Variants in PKP4 observed in about 807,000 individuals in gnomAD.
PKP4 encodes the protein plakophilin 4, also known as plakophilin-4.
Under a neutral mutation model 145.1 loss-of-function variants are expected in PKP4, and 90 were observed. The ratio of observed to expected loss-of-function variants is 0.62; its 90% CI spans 0.52 to 0.74. The LOEUF is 0.74. Among genes scored for constraint, PKP4 ranks in the 30% least tolerant of loss-of-function variants. The pLI, the probability that PKP4 is intolerant of heterozygous loss-of-function variation, is 0.00. For missense variants in PKP4, 1,340 were observed against 1,482.7 expected (o/e 0.90, Z 1.58); for synonymous variants, 563 against 577.2 (o/e 0.98, Z 0.35).
chr2:158,553,550 A>T (rs1436748827), intron 2 of PKP4, among the ~76,000 whole-genome samples: 1 of 152,250 alleles, frequency 6.6e-6, no homozygotes, highest in African/African-American at 2.4e-5. Context: ...GCTTGTCAAA[A>T]CAGTGCTCAG....
intron 2 of PKP4, among the ~76,000 whole-genome samples, chr2:158,558,942 T>C (rs2046307179): frequency 6.6e-6 from 1 of 152,098 alleles, no homozygotes; most frequent in African/African-American, 2.4e-5. Context: ...CCTGAGTGAA[T>C]GGGAGGACTT....
intron 3 of PKP4, among the ~76,000 whole-genome samples, chr2:158,578,506 T>TCAGG (rs138913586): frequency 1.3e-5 from 2 of 151,410 alleles, no homozygotes; most frequent in African/African-American, 4.9e-5. Context: ...AATAATTCGT[T>TCAGG]AAGTTAAAAC....
At chr2:158,550,101 T>G (rs2045462758) in intron 2 of PKP4, among the ~76,000 whole-genome samples, 1 of 152,236 alleles carries the variant, frequency 6.6e-6, no homozygotes, top group Non-Finnish European at 1.5e-5. Context: ...AGGTTACATT[T>G]ATAGATCTCT....
chr2:158,537,966 G>A (rs752000129), intron 2 of PKP4, among the ~76,000 whole-genome samples: 11 of 152,076 alleles, frequency 7.2e-5, no homozygotes, highest in Admixed American at 6.6e-5. Flanking sequence ...GCAGTAAGCC[G>A]TGATCATGCC....
At chr2:158,543,292 G>A (rs1256978421) in intron 2 of PKP4, among the ~76,000 whole-genome samples, 1 of 152,106 alleles carries the variant, frequency 6.6e-6, no homozygotes, top group African/African-American at 2.4e-5. Flanking sequence ...TATATATTTG[G>A]TTATCTTTGT....
At chr2:158,586,954 T>C (rs11675276) in intron 3 of PKP4, among the ~76,000 whole-genome samples, 30,343 of 152,226 alleles carry the variant, frequency 0.2, 3,902 homozygotes, top group Middle Eastern at 0.36. Flanking sequence ...TATTTTAAGC[T>C]AAAAATGTCA....
chr2:158,618,154 G>C (rs1030777199), intron 4 of PKP4, among the ~76,000 whole-genome samples: 1 of 152,160 alleles, frequency 6.6e-6, no homozygotes, highest in African/African-American at 2.4e-5. Flanking sequence ...CTGCATTCCA[G>C]CCTGTAGAGA....
At position 158,661,347 on chromosome 2, in the gene PKP4, C is replaced by T. The variant is rs377100780; in HGVS notation, c.2108C>T (p.Ala703Val). 3.0e-5 allele frequency: 48 copies of T among 1,613,302 alleles called. No homozygotes were observed. Among genetic ancestry groups the T allele is most frequent in the East Asian group, 8.9e-5 (4 of 44,850 alleles). Reference protein sequence around the residue: ...TTGCLRNLSSAGEEARKQMRS... With the variant: ...TTGCLRNLSSVGEEARKQMRS... ...CACCCCTTTAGGAACCTCAGCTCCGCGGGGGAAGAAGCTCGGAAGCAAATG... is the reference window on the plus strand; with the variant it reads ...CACCCCTTTAGGAACCTCAGCTCCGTGGGGGAAGAAGCTCGGAAGCAAATG... Residue 703 changes from alanine (A) to valine (V), a missense_variant, in exon 13 of 22, where the codon GCG (alanine) becomes GTG (valine). Coordinates refer to ENST00000389759, the MANE Select transcript of PKP4 (RefSeq NM_003628.6).
chr2:158,632,116 A>G (rs1161847125), intron 8 of PKP4, among the ~76,000 whole-genome samples, 175 bp downstream of exon 8: 1 of 152,246 alleles, frequency 6.6e-6, no homozygotes, highest in South Asian at 2.1e-4. Context: ...GTACCTATTT[A>G]TAGGTGATAT....
chr2:158,637,533 G>A (rs1296328948), intron 9 of PKP4, among the ~76,000 whole-genome samples: 4 of 152,064 alleles, frequency 2.6e-5, no homozygotes, highest in South Asian at 4.2e-4. Flanking sequence ...AATTCCACTC[G>A]CTCCCTGCCT....
intron 1 of PKP4, among the ~76,000 whole-genome samples, chr2:158,518,555 T>C (rs1007375585): frequency 2.0e-5 from 3 of 151,968 alleles, no homozygotes; most frequent in Non-Finnish European, 4.4e-5. Context: ...ACTCCTCTCA[T>C]GTTGAGACTA....
chr2:158,572,960 A>G (rs558237639), intron 2 of PKP4, among the ~76,000 whole-genome samples: 1 of 152,344 alleles, frequency 6.6e-6, no homozygotes, highest in South Asian at 2.1e-4. Context: ...TTATCAAGCA[A>G]AACTGAAGAT....
chr2:158,631,873 A>G lies in PKP4; in HGVS notation c.1274A>G (p.Tyr425Cys), dbSNP rs757436327. The change falls in exon 8 of 22, where the codon TAC becomes TGC. Residue 425 changes from tyrosine (Y) to cysteine (C), a missense_variant. Coordinates refer to ENST00000389759, the MANE Select transcript of PKP4 (RefSeq NM_003628.6). ...GGGAGGACCTATTACAGCCCAGTGT[A>G]CCGCAGCCCAAACCATGGAACTGTG... is the stretch of plus-strand genomic sequence containing the variant. ...YEGRTYYSPV[Y>C]RSPNHGTVEL... 1 of 1,614,178 alleles carries G rather than the reference A, an allele frequency of 6.2e-7. No individual in the cohort carries two copies. The highest frequency in any genetic ancestry group is 1.1e-5 in the South Asian group (1 of 91,086).
chr2:158,621,623 G>A (rs1490891181), intron 6 of PKP4, among the ~76,000 whole-genome samples: 1 of 152,018 alleles, frequency 6.6e-6, no homozygotes, highest in African/African-American at 2.4e-5. Flanking sequence ...GCGGGCGCCT[G>A]TAATCTCAGC....
intron 7 of PKP4, among the ~76,000 whole-genome samples, chr2:158,630,528 T>C (rs551101908): frequency 6.6e-6 from 1 of 152,256 alleles, no homozygotes; most frequent in African/African-American, 2.4e-5. Context: ...ACAAAACTTA[T>C]AGCACAAAAC....
chr2:158,538,312 A>T (rs2044234042), intron 2 of PKP4, among the ~76,000 whole-genome samples: 1 of 152,178 alleles, frequency 6.6e-6, no homozygotes, highest in Middle Eastern at 3.2e-3. Flanking sequence ...TGATTCCAAT[A>T]TGATCTCTTG....
At chr2:158,678,825 C>T (rs375938622) in intron 21 of PKP4, 171 bp downstream of exon 21, 3 of 630,236 alleles carry the variant, frequency 4.8e-6, no homozygotes, top group East Asian at 2.8e-5. Context: ...AGCATTTCCA[C>T]GGTAGCCTCA....
chr2:158,577,802 T>C (rs536439944), intron 3 of PKP4, among the ~76,000 whole-genome samples: 1 of 152,332 alleles, frequency 6.6e-6, no homozygotes, highest in South Asian at 2.1e-4. Flanking sequence ...TGGGTTTTTC[T>C]AGAACTCTAT....
At position 158,681,156 on chromosome 2, in the gene PKP4, A is replaced by C. The variant is rs943333981; in HGVS notation, c.*479A>C. 3 of 154,086 alleles carry C rather than the reference A, an allele frequency of 1.9e-5. No homozygotes were observed. Among genetic ancestry groups the C allele is most frequent in the Non-Finnish European group, 4.3e-5 (3 of 69,042 alleles). 9.5% of individuals were successfully genotyped at this position (154,086 alleles called of 1,614,324 possible). On this transcript the variant is annotated 3_prime_UTR_variant, in exon 22 of 22. Coordinates refer to ENST00000389759, the MANE Select transcript of PKP4 (RefSeq NM_003628.6). ...TAAATATGGAAATGCCACATTGGTT[A>C]AGTGCCATCATTTGTAATGCAATGT...
Sources: gnomAD v4.1 joint callset for allele counts (sites outside exome capture counted in the v4.1 genomes callset) on GRCh38, gnomAD v4.1.1 for gene constraint, MANE v1.5 for transcripts, NCBI Gene and HGNC (gene_info 2026-07-23, HGNC 2026-07-21) for gene names.